The following AKAP6 variants were observed in gnomAD, a reference collection of about 807,000 sequenced individuals.
The protein encoded by AKAP6 is A-kinase anchoring protein 6.
In AKAP6, 58 loss-of-function variants were observed where a neutral mutation model predicts 188.5. The observed-to-expected ratio is 0.31, with a 90% CI of 0.25 to 0.38. AKAP6 has a LOEUF of 0.38. Among genes scored for constraint, AKAP6 ranks in the 10% least tolerant of loss-of-function variants. AKAP6 has a pLI of 1.00. For synonymous variants in AKAP6, 989 were observed against 998.6 expected, an observed-to-expected ratio of 0.99 and a Z score of 0.18; for missense variants, 2,710 against 2,740.0, an observed-to-expected ratio of 0.99 and a Z score of 0.24.
intron 1 of AKAP6, among the ~76,000 whole-genome samples, chr14:32,365,293 C>G (rs994308434): frequency 1.8e-4 from 28 of 152,148 alleles, no homozygotes; most frequent in African/African-American, 6.5e-4. Context: ...GAGAGAGATT[C>G]TCCAATTAGG....
At position 32,342,932 on chromosome 14, in the gene AKAP6, C is replaced by A. The variant is rs537515739; in HGVS notation, c.-35+13524C>A. On this transcript the variant is annotated intron_variant, in intron 1 of 13. Transcript: ENST00000280979. ...TTATCATTTGTCTTTGGAATTAATTCCAGTAGGCAGGAGCCAGTTTTAACT... is the reference window on the plus strand; with the variant it reads ...TTATCATTTGTCTTTGGAATTAATTACAGTAGGCAGGAGCCAGTTTTAACT... 5.9e-5 allele frequency among the ~76,000 whole-genome samples: 9 copies of A among 152,282 alleles called. No homozygotes were observed. In the South Asian group the frequency reaches 1.9e-3, roughly 32 times the overall value.
intron 8 of AKAP6, among the ~76,000 whole-genome samples, chr14:32,683,779 C>T (rs958155203): frequency 3.3e-5 from 5 of 152,148 alleles, no homozygotes; most frequent in Non-Finnish European, 5.9e-5. Context: ...TAGTTTGCAA[C>T]AATTATCTGC....
chr14:32,574,425 A>T (rs183336771), intron 4 of AKAP6, among the ~76,000 whole-genome samples: 3 of 152,272 alleles, frequency 2.0e-5, no homozygotes, highest in African/African-American at 7.2e-5. Context: ...CATCTCACAG[A>T]TTTCAGCTAA....
At chr14:32,373,188 T>C (rs1888063786) in intron 1 of AKAP6, 1 of 152,010 alleles carries the variant, frequency 6.6e-6, no homozygotes, top group Non-Finnish European at 1.5e-5. Context: ...GGAACTGTAA[T>C]AGAAAAAGAG....
At chr14:32,510,711 T>C (rs995554034) in intron 2 of AKAP6, among the ~76,000 whole-genome samples, 5 of 151,994 alleles carry the variant, frequency 3.3e-5, no homozygotes, top group African/African-American at 1.2e-4. Flanking sequence ...GCTATTATAA[T>C]TTGGTACTTA....
chr14:32,716,914 GGT>G (rs1191446698), intron 9 of AKAP6, among the ~76,000 whole-genome samples: 2 of 151,956 alleles, frequency 1.3e-5, no homozygotes, highest in African/African-American at 4.8e-5. Flanking sequence ...TCTTATTAAT[GGT>G]GTATTTTATA....
At chr14:32,775,119 T>C (rs2033015697) in intron 12 of AKAP6, among the ~76,000 whole-genome samples, 2 of 152,222 alleles carry the variant, frequency 1.3e-5, no homozygotes, top group Non-Finnish European at 2.9e-5. Context: ...TCAACATAAT[T>C]AGATGTCTTT....
chr14:32,773,275 A>C (rs1469848564), intron 11 of AKAP6, among the ~76,000 whole-genome samples: 1 of 152,182 alleles, frequency 6.6e-6, no homozygotes, highest in African/African-American at 2.4e-5. Flanking sequence ...TGTAGGAGTA[A>C]ATTTGGAAAA....
chr14:32,829,715 G>A (rs1428821560), intron 13 of AKAP6, 133 bp from the exon 14 acceptor site: 1 of 460,060 alleles, frequency 2.2e-6, no homozygotes, highest in Non-Finnish European at 3.8e-6. Flanking sequence ...TATATTTTAT[G>A]TATCTTTATA....
rs538467806 is a variant in AKAP6 at position 32,827,762 on chromosome 14, C to T, written c.*43-2086C>T. On this transcript the variant is annotated intron_variant, in intron 13 of 13. Transcript: ENST00000280979. ...GGACCTGCCTCAGAGATGTACTTTG[C>T]GCTAATCTTTTTGCTGTATTCTGAC... 2.8e-4 allele frequency among the ~76,000 whole-genome samples: 42 copies of T among 152,244 alleles called. No homozygotes were observed. In the East Asian group the frequency reaches 7.3e-3, roughly 27 times the overall value.
intron 12 of AKAP6, among the ~76,000 whole-genome samples, chr14:32,784,993 G>T (rs2033358503): frequency 6.6e-6 from 1 of 151,848 alleles, no homozygotes; most frequent in Non-Finnish European, 1.5e-5. Flanking sequence ...ATGATTGATA[G>T]CACAGTAATT....
At chr14:32,345,065 A>G (rs563543301) in intron 1 of AKAP6, among the ~76,000 whole-genome samples, 2 of 152,300 alleles carry the variant, frequency 1.3e-5, no homozygotes, top group African/African-American at 2.4e-5. Flanking sequence ...GAATATTTAT[A>G]TATCAAATTT....
At chr14:32,562,770 G>A (rs6571537) in intron 4 of AKAP6, among the ~76,000 whole-genome samples, 42,154 of 151,886 alleles carry the variant, frequency 0.28, 5,887 homozygotes, top group East Asian at 0.37. Flanking sequence ...TAAATAAATA[G>A]ATAGGTAGAT....
intron 1 of AKAP6, among the ~76,000 whole-genome samples, chr14:32,366,366 G>A (rs1297112672): frequency 6.6e-6 from 1 of 152,230 alleles, no homozygotes; most frequent in Non-Finnish European, 1.5e-5. Context: ...TTGTGGGGCA[G>A]TCCCTCATGG....
At chr14:32,638,325 G>A (rs1290439225) in intron 7 of AKAP6, among the ~76,000 whole-genome samples, 1 of 152,096 alleles carries the variant, frequency 6.6e-6, no homozygotes, top group Non-Finnish European at 1.5e-5. Context: ...TAAGGGCAGA[G>A]GCACTGGAGA....
chr14:32,718,833 T>C (rs531120169), intron 9 of AKAP6, among the ~76,000 whole-genome samples: 3 of 152,316 alleles, frequency 2.0e-5, no homozygotes, highest in South Asian at 4.1e-4. Context: ...TGCCTGGACT[T>C]TCTTTTGGGA....
At chr14:32,624,159 G>T (rs1026295011) in intron 7 of AKAP6, among the ~76,000 whole-genome samples, 4 of 152,042 alleles carry the variant, frequency 2.6e-5, no homozygotes, top group Admixed American at 2.6e-4. Context: ...TGAAAAGCAA[G>T]TCTTTGGATT....
At chr14:32,366,039 A>G (rs926360169) in intron 1 of AKAP6, among the ~76,000 whole-genome samples, 8 of 152,050 alleles carry the variant, frequency 5.3e-5, no homozygotes, top group Admixed American at 1.3e-4. Flanking sequence ...AAACCCTCTC[A>G]TCGTCTCTCC....
intron 2 of AKAP6, among the ~76,000 whole-genome samples, chr14:32,459,637 GAAAAAAAAA>G (rs754031698): frequency 1.7e-5 from 2 of 117,440 alleles, no homozygotes; most frequent in Non-Finnish European, 3.8e-5. Flanking sequence ...TTACAAAAAG[GAAAAAAAAA>G]AAAAGAAGAA....
Sources: gnomAD v4.1 joint callset for allele counts (sites outside exome capture counted in the v4.1 genomes callset) on GRCh38, gnomAD v4.1.1 for gene constraint, MANE v1.5 for transcripts, NCBI Gene and HGNC (gene_info 2026-07-23, HGNC 2026-07-21) for gene names.